Variants in CMSS1 observed in about 807,000 individuals in gnomAD.
The protein encoded by CMSS1 is protein CMSS1.
Under a neutral mutation model 43.5 loss-of-function variants are expected in CMSS1, and 33 were observed. The ratio of observed to expected loss-of-function variants is 0.76; its 90% CI spans 0.57 to 1.01. The LOEUF (loss-of-function observed/expected upper bound fraction) is 1.01, where lower values mean the gene tolerates loss of function less well. Ranked by LOEUF, CMSS1 falls within the 50% of genes least tolerant of loss-of-function variation. The pLI, the probability that CMSS1 is intolerant of heterozygous loss-of-function variation, is 0.00. For synonymous variants in CMSS1, 115 were observed against 117.2 expected (o/e 0.98, Z 0.12); for missense variants, 313 against 326.4 (o/e 0.96, Z 0.32).
chr3:100,104,109 CTG>C (rs1386800803), intron 1 of CMSS1, among the ~76,000 whole-genome samples: 2 of 152,194 alleles, frequency 1.3e-5, no homozygotes, highest in Non-Finnish European at 2.9e-5. Context: ...CAACTGCTCT[CTG>C]TGTGTGTTTG....
intron 1 of CMSS1, among the ~76,000 whole-genome samples, chr3:100,054,565 T>C (rs2065431915): frequency 6.6e-6 from 1 of 151,064 alleles, no homozygotes; most frequent in African/African-American, 2.4e-5. Context: ...GTTACCTACC[T>C]GCCCCTGTTG....
chr3:100,139,745 T>C (rs2066789710), intron 1 of CMSS1, among the ~76,000 whole-genome samples: 3 of 144,408 alleles, frequency 2.1e-5, no homozygotes, highest in Admixed American at 1.4e-4. Context: ...TGCAGTTAGC[T>C]GAGATCGCGC....
intron 2 of CMSS1, among the ~76,000 whole-genome samples, chr3:100,158,273 AT>A (rs151156679): frequency 6.6e-6 from 1 of 152,160 alleles, no homozygotes; most frequent in African/African-American, 2.4e-5. Context: ...TAAAAGCAAC[AT>A]TTTTTTAGGG....
At chr3:100,095,317 G>T (rs1334866264) in intron 1 of CMSS1, among the ~76,000 whole-genome samples, 7 of 152,004 alleles carry the variant, frequency 4.6e-5, no homozygotes, top group Admixed American at 3.3e-4. Context: ...ATATCAATTA[G>T]GGATAAATCG....
intron 1 of CMSS1, among the ~76,000 whole-genome samples, chr3:99,917,108 T>A (rs1706977739): frequency 1.3e-5 from 2 of 152,216 alleles, no homozygotes; most frequent in Non-Finnish European, 2.9e-5. Context: ...TTTATAGGGC[T>A]GTTAAACTAG....
intron 1 of CMSS1, among the ~76,000 whole-genome samples, chr3:100,021,962 AG>A (rs2064832649): frequency 1.0e-5 from 1 of 96,910 alleles, no homozygotes; most frequent in African/African-American, 4.2e-5. Context: ...TGTGTGTGTG[AG>A]AGAGAGAGAG....
chr3:100,157,739 C>T (rs527771716), intron 2 of CMSS1, among the ~76,000 whole-genome samples: 4 of 152,296 alleles, frequency 2.6e-5, no homozygotes, highest in African/African-American at 9.6e-5. Flanking sequence ...AATAGATCTC[C>T]AGTCGGCTGG....
chr3:99,965,536 G>A (rs1576606023), intron 1 of CMSS1, among the ~76,000 whole-genome samples: 1 of 152,154 alleles, frequency 6.6e-6, no homozygotes, highest in East Asian at 1.9e-4. Flanking sequence ...TCATTTGTTT[G>A]TTTGTAGGGT....
intron 1 of CMSS1, among the ~76,000 whole-genome samples, chr3:99,929,367 ACT>A (rs1214823717): frequency 2.0e-5 from 3 of 151,786 alleles, no homozygotes; most frequent in African/African-American, 7.2e-5. Flanking sequence ...GTTTTTAAAA[ACT>A]CTATTTCTTG....
At chr3:100,086,416 A>AG (rs2066008824) in intron 1 of CMSS1, among the ~76,000 whole-genome samples, 2 of 151,922 alleles carry the variant, frequency 1.3e-5, no homozygotes, top group Non-Finnish European at 2.9e-5. Context: ...AATACCATAA[A>AG]GGGGGAAAAA....
chr3:99,865,985 T>C (rs1944493278), intron 1 of CMSS1, among the ~76,000 whole-genome samples: 1 of 152,090 alleles, frequency 6.6e-6, no homozygotes, highest in African/African-American at 2.4e-5. Flanking sequence ...TCACAGGTTA[T>C]TTTCACTTAG....
In CMSS1 at chr3:100,162,455, C is replaced by G. The variant is rs761458179; in HGVS notation, c.355+23C>G. On this transcript the variant is annotated intron_variant, in intron 4 of 9. Coordinates refer to ENST00000421999, the MANE Select transcript of CMSS1 (RefSeq NM_032359.4). The stretch of plus-strand genomic sequence containing the variant: ...CAGGTATAGCCAAGCTTCAATTTTC[C>G]TAAAGACAAGGAGCAAAACATAAGT... The G allele has an allele frequency of 3.1e-6, 5 of 1,600,706 alleles. No individual in the cohort carries two copies. The African/African-American group carries it at 5.4e-5, about 17-fold the overall frequency.
At chr3:100,091,131 A>G (rs1407446108) in intron 1 of CMSS1, among the ~76,000 whole-genome samples, 5 of 151,934 alleles carry the variant, frequency 3.3e-5, no homozygotes, top group Non-Finnish European at 5.9e-5. Flanking sequence ...TAAAAATACA[A>G]AAACTTAGCT....
chr3:100,111,605 T>C (rs964722232), intron 1 of CMSS1, among the ~76,000 whole-genome samples: 1 of 152,150 alleles, frequency 6.6e-6, no homozygotes, highest in African/African-American at 2.4e-5. Context: ...TCTTTCAGTG[T>C]AGGCTCCAGT....
intron 1 of CMSS1, among the ~76,000 whole-genome samples, chr3:99,882,700 T>C (rs1705768060): frequency 1.3e-5 from 2 of 152,198 alleles, no homozygotes; most frequent in South Asian, 4.1e-4. Context: ...ATGTTTCTTT[T>C]GGGAAACATG....
At chr3:100,137,009 T>C (rs1002849699) in intron 1 of CMSS1, among the ~76,000 whole-genome samples, 3 of 152,264 alleles carry the variant, frequency 2.0e-5, no homozygotes, top group African/African-American at 7.2e-5. Flanking sequence ...TCTGTGTTGC[T>C]GGCATGGCCT....
intron 1 of CMSS1, among the ~76,000 whole-genome samples, chr3:99,868,275 C>T (rs1241036855): frequency 6.6e-6 from 1 of 152,126 alleles, no homozygotes; most frequent in Non-Finnish European, 1.5e-5. Context: ...GGTAACCTCT[C>T]CTTACAGAGT....
chr3:100,018,122 A>G (rs1009498488), intron 1 of CMSS1, among the ~76,000 whole-genome samples: 28 of 152,110 alleles, frequency 1.8e-4, no homozygotes, highest in African/African-American at 6.8e-4. Flanking sequence ...AGGTCAAGAG[A>G]TCGAGACCAT....
intron 1 of CMSS1, among the ~76,000 whole-genome samples, chr3:99,927,817 C>T (rs370708915): frequency 5.9e-5 from 9 of 152,134 alleles, no homozygotes; most frequent in East Asian, 5.8e-4. Flanking sequence ...CTCTTCCCGC[C>T]CTCTTGACCA....
Sources: gnomAD v4.1 joint callset for allele counts (sites outside exome capture counted in the v4.1 genomes callset) on GRCh38, gnomAD v4.1.1 for gene constraint, MANE v1.5 for transcripts, NCBI Gene and HGNC (gene_info 2026-07-23, HGNC 2026-07-21) for gene names.